Variants in STEAP1B observed in about 807,000 individuals in gnomAD.
STEAP1B encodes STEAP family protein MGC87042.
A neutral mutation model predicts 27.9 loss-of-function variants in STEAP1B; 13 were observed. The ratio of observed to expected loss-of-function variants is 0.47; its 90% CI spans 0.30 to 0.74. STEAP1B has a LOEUF of 0.74. STEAP1B is among the 30% of genes least tolerant of loss of function. The probability of loss-of-function intolerance (pLI) is 0.06; values close to 1 mark genes in which losing one functional copy is unlikely to be tolerated. For missense variants in STEAP1B, 250 were observed against 298.7 expected, an observed-to-expected ratio of 0.84 and a Z score of 1.20; for synonymous variants, 86 against 107.1, an observed-to-expected ratio of 0.80 and a Z score of 1.22.
At chr7:22,425,518 A>AAG (rs1209929926) in intron 4 of STEAP1B, among the ~76,000 whole-genome samples, 1 of 152,210 alleles carries the variant, frequency 6.6e-6, no homozygotes, top group African/African-American at 2.4e-5. Flanking sequence ...GCATCATATG[A>AAG]AGCAAAACTG....
At chr7:22,446,044 A>C (rs780535648) in intron 4 of STEAP1B, among the ~76,000 whole-genome samples, 1 of 152,252 alleles carries the variant, frequency 6.6e-6, no homozygotes, top group Non-Finnish European at 1.5e-5. Flanking sequence ...AACCAGAAGC[A>C]AGTCACAGCA....
intron 4 of STEAP1B, among the ~76,000 whole-genome samples, chr7:22,423,405 C>T (rs1785067512): frequency 6.6e-6 from 1 of 152,200 alleles, no homozygotes; most frequent in East Asian, 1.9e-4. Context: ...CATGGCACAT[C>T]CGTCAGTGGA....
Position 22,493,361 on chromosome 7 carries a change from G to A in STEAP1B, c.560C>T (p.Ser187Phe). ...CCAGTTTAGCAACTTGTATCTGTAG[G>A]ATCGCCTCATTGCGTAAGACAGAGT... is the stretch of plus-strand genomic sequence containing the variant. ...IYTLSYAMRR[S>F]YRYKLLNWAY... Residue 187 changes from serine to phenylalanine, a missense_variant, in exon 3 of 5, where the codon TCC (serine) becomes TTC (phenylalanine). Ser to Phe is a radical substitution (Grantham distance 155, BLOSUM62 -2). Coordinates refer to ENST00000678116, the MANE Select transcript of STEAP1B (RefSeq NM_001382447.1). 1 of 1,614,030 alleles carries A rather than the reference G, an allele frequency of 6.2e-7. No individual in the cohort carries two copies. The highest frequency in any genetic ancestry group is 8.5e-7 in the Non-Finnish European group (1 of 1,179,906).
intron 4 of STEAP1B, among the ~76,000 whole-genome samples, chr7:22,457,464 A>C (rs1785606314): frequency 6.6e-6 from 1 of 152,170 alleles, no homozygotes; most frequent in African/African-American, 2.4e-5. Flanking sequence ...AAGGTTGAGA[A>C]ATGGAGGGCC....
At chr7:22,425,246 C>G (rs1785091250) in intron 4 of STEAP1B, among the ~76,000 whole-genome samples, 1 of 152,156 alleles carries the variant, frequency 6.6e-6, no homozygotes, top group Non-Finnish European at 1.5e-5. Flanking sequence ...GAATGCTGTA[C>G]TCTGTACTGT....
At chr7:22,475,400 GTCT>G (rs1490797020) in intron 4 of STEAP1B, among the ~76,000 whole-genome samples, 5 of 152,222 alleles carry the variant, frequency 3.3e-5, no homozygotes, top group Admixed American at 6.5e-5. Context: ...CTGAGTCAGG[GTCT>G]TCTTCTGTTC....
intron 4 of STEAP1B, among the ~76,000 whole-genome samples, chr7:22,449,779 GC>G (rs1247448240): frequency 6.6e-6 from 1 of 152,162 alleles, no homozygotes; most frequent in Non-Finnish European, 1.5e-5. Flanking sequence ...ACAAGGGTTT[GC>G]TTTTCTCCGT....
chr7:22,429,794 T>C (rs996604400), intron 4 of STEAP1B, among the ~76,000 whole-genome samples: 1 of 152,200 alleles, frequency 6.6e-6, no homozygotes, highest in African/African-American at 2.4e-5. Context: ...AAAGACTGTA[T>C]AAACTTCAAA....
chr7:22,460,700 C>T lies in STEAP1B; in HGVS notation c.762+31865G>A, dbSNP rs192214666. 1.4e-3 allele frequency among the ~76,000 whole-genome samples: 210 copies of T among 152,252 alleles called. 2 individuals are homozygous for T. The highest frequency in any genetic ancestry group is 4.0e-3 in the African/African-American group (166 of 41,548). On this transcript the variant is annotated intron_variant, in intron 4 of 4. Transcript: ENST00000678116. ...GCTGCAAGCTTGCAGAGGGATGACA[C>T]TCAGGGCCTGAGGCTGGGGCAGGTT...
chr7:22,475,562 G>A (rs1005451014), intron 4 of STEAP1B, among the ~76,000 whole-genome samples: 1 of 152,200 alleles, frequency 6.6e-6, no homozygotes, highest in Non-Finnish European at 1.5e-5. Context: ...CAGAGAAGGG[G>A]CCTTGCTATG....
intron 4 of STEAP1B, among the ~76,000 whole-genome samples, chr7:22,459,347 A>C (rs1445297950): frequency 6.6e-6 from 1 of 152,230 alleles, no homozygotes; most frequent in Non-Finnish European, 1.5e-5. Flanking sequence ...AAAGACGAGA[A>C]AGCTGTCATT....
At chr7:22,454,847 A>ATG (rs1234396767) in intron 4 of STEAP1B, among the ~76,000 whole-genome samples, 1 of 81,458 alleles carries the variant, frequency 1.2e-5, no homozygotes, top group Non-Finnish European at 2.3e-5. Flanking sequence ...ATATATATAT[A>ATG]TGTATATATA....
At chr7:22,442,670 T>G (rs1390365403) in intron 4 of STEAP1B, among the ~76,000 whole-genome samples, 1 of 152,204 alleles carries the variant, frequency 6.6e-6, no homozygotes, top group Non-Finnish European at 1.5e-5. Flanking sequence ...GTTGGAATCT[T>G]AGAACATTTT....
chr7:22,450,361 A>G (rs973846354), intron 4 of STEAP1B, among the ~76,000 whole-genome samples: 1 of 152,178 alleles, frequency 6.6e-6, no homozygotes, highest in East Asian at 1.9e-4. Context: ...ATATGGTGAG[A>G]GATAGGGGTC....
At chr7:22,450,263 T>C (rs1468141548) in intron 4 of STEAP1B, among the ~76,000 whole-genome samples, 3 of 152,250 alleles carry the variant, frequency 2.0e-5, no homozygotes, top group Non-Finnish European at 4.4e-5. Context: ...ACCAATGTCC[T>C]GGAGAGTTTC....
At chr7:22,437,140 A>C (rs1785265611) in intron 4 of STEAP1B, among the ~76,000 whole-genome samples, 1 of 152,256 alleles carries the variant, frequency 6.6e-6, no homozygotes, top group African/African-American at 2.4e-5. Context: ...TAAGGAACTT[A>C]AATTCACAAG....
intron 4 of STEAP1B, among the ~76,000 whole-genome samples, chr7:22,439,338 G>A (rs1173082238): frequency 6.6e-6 from 1 of 152,176 alleles, no homozygotes; most frequent in Non-Finnish European, 1.5e-5. Context: ...CACATGTGAT[G>A]GCTACATTAG....
chr7:22,438,859 AT>A, intron 4 of STEAP1B: 1 of 1,267,112 alleles, frequency 7.9e-7, no homozygotes. Context: ...ACTCTCCTTC[AT>A]TTATAAAATG....
At chr7:22,453,818 C>T (rs140036318) in intron 4 of STEAP1B, among the ~76,000 whole-genome samples, 1 of 152,130 alleles carries the variant, frequency 6.6e-6, no homozygotes, top group African/African-American at 2.4e-5. Context: ...ACAGTATATA[C>T]CCTTTTGTAT....
Sources: gnomAD v4.1 joint callset for allele counts (sites outside exome capture counted in the v4.1 genomes callset) on GRCh38, gnomAD v4.1.1 for gene constraint, MANE v1.5 for transcripts, NCBI Gene and HGNC (gene_info 2026-07-23, HGNC 2026-07-21) for gene names.